CDH3: variants seen among roughly 807,000 people sequenced by gnomAD.
CDH3 encodes the protein cadherin 3, also known as cadherin-3.
CDH3 carries 54 observed loss-of-function variants against 82.0 expected under a neutral mutation model. That is an observed-to-expected ratio of 0.66 (90% CI 0.53 to 0.83). The LOEUF (loss-of-function observed/expected upper bound fraction) is 0.83. Ranked by LOEUF, CDH3 falls within the 40% of genes least tolerant of loss-of-function variation. The pLI, the probability that CDH3 is intolerant of heterozygous loss-of-function variation, is 0.00. For missense variants in CDH3, 1,054 were observed against 1,084.6 expected (o/e 0.97, Z 0.40); for synonymous variants, 446 against 437.9 (o/e 1.02, Z -0.23).
At chr16:68,669,500 A>T (rs1044051129) in intron 2 of CDH3, among the ~76,000 whole-genome samples, 8 of 151,978 alleles carry the variant, frequency 5.3e-5, no homozygotes, top group Non-Finnish European at 1.2e-4. Flanking sequence ...AATATGTGGA[A>T]CCATGTAACA....
At chr16:68,721,654 A>G (rs1016149835) in intron 1 of CDH3, among the ~76,000 whole-genome samples, 3 of 152,152 alleles carry the variant, frequency 2.0e-5, no homozygotes, top group African/African-American at 7.2e-5. Flanking sequence ...TGGCTAGACT[A>G]AGCTCTTCTC....
chr16:68,689,879 C>T (rs1961517954), intron 12 of CDH3, among the ~76,000 whole-genome samples: 1 of 152,080 alleles, frequency 6.6e-6, no homozygotes, highest in Non-Finnish European at 1.5e-5. Flanking sequence ...TTTGATTGCC[C>T]CAGTGATTGG....
chr16:68,687,816 G>A (rs368591309), intron 12 of CDH3, 80 bp downstream of exon 12: 360 of 964,980 alleles, frequency 3.7e-4, no homozygotes, highest in Non-Finnish European at 5.3e-4. Context: ...TTCTGCACAC[G>A]TTCCTATCCT....
At chr16:68,666,915 C>G (rs1251430435) in intron 2 of CDH3, among the ~76,000 whole-genome samples, 2 of 151,746 alleles carry the variant, frequency 1.3e-5, no homozygotes, top group Non-Finnish European at 2.9e-5. Flanking sequence ...CTTTTTTTCC[C>G]TATTAAGCAA....
chr16:68,692,506 G>C (rs924111705), intron 13 of CDH3, among the ~76,000 whole-genome samples: 3 of 152,192 alleles, frequency 2.0e-5, no homozygotes, highest in African/African-American at 7.2e-5. Context: ...GTTTCCAACA[G>C]CATTAGCATC....
Position 68,678,180 on chromosome 16 carries a change from C to T in CDH3, c.293C>T (p.Ser98Phe). Reference sequence around the variant, plus strand: ...AGGAATCCATTGAAGATCTTCCCATCCAAACGTATCTTACGAAGACACAAG... The same window carrying T: ...AGGAATCCATTGAAGATCTTCCCATTCAAACGTATCTTACGAAGACACAAG... The part of the protein sequence containing the change: ...KERNPLKIFP[S>F]KRILRRHKRD... Residue 98 changes from serine to phenylalanine, a missense_variant, in exon 4 of 16, where the codon TCC becomes TTC. Transcript: ENST00000264012. 6.2e-7 allele frequency: 1 copy of T among 1,613,842 alleles called. No homozygotes were observed. Among genetic ancestry groups the T allele is most frequent in the Non-Finnish European group, 8.5e-7 (1 of 1,179,698 alleles).
chr16:68,656,668 A>T lies in CDH3; in HGVS notation c.160+10918A>T, dbSNP rs145773964. ...TGAACACAGGTGTGACCCCCTAAGT[A>T]TGAGGCACTGACCATTTGGCAATCA... On this transcript the variant is annotated intron_variant, in intron 2 of 15. Coordinates refer to ENST00000264012, the MANE Select transcript of CDH3 (RefSeq NM_001793.6). Among the ~76,000 whole-genome samples, 13 of 152,316 alleles carry T rather than the reference A, an allele frequency of 8.5e-5. No homozygotes were observed. The East Asian group carries it at 2.5e-3, about 29-fold the overall frequency.
At chr16:68,719,255 A>G (rs201806110) in intron 1 of CDH3, among the ~76,000 whole-genome samples, 5 of 7,162 alleles carry the variant, frequency 7.0e-4, no homozygotes, top group Non-Finnish European at 4.6e-3. Flanking sequence ...AAAAAAAAAG[A>G]AAAAAAAAAA....
At chr16:68,663,144 G>A (rs2152094128) in intron 2 of CDH3, among the ~76,000 whole-genome samples, 1 of 152,018 alleles carries the variant, frequency 6.6e-6, no homozygotes, top group African/African-American at 2.4e-5. Context: ...TAGGATTACA[G>A]GCATGAGCCA....
intron 2 of CDH3, among the ~76,000 whole-genome samples, chr16:68,660,322 T>C (rs2152093092): frequency 6.6e-6 from 1 of 152,342 alleles, no homozygotes; most frequent in East Asian, 1.9e-4. Context: ...TTCAAAAGCA[T>C]ATGAATTCAC....
intron 12 of CDH3, among the ~76,000 whole-genome samples, chr16:68,690,945 A>G (rs1961552680): frequency 6.6e-6 from 1 of 152,124 alleles, no homozygotes; most frequent in South Asian, 2.1e-4. Context: ...TGGGTGTTTC[A>G]TATAAGATTG....
intron 2 of CDH3, chr16:68,651,611 C>T (rs1960250334): frequency 2.0e-6 from 1 of 506,784 alleles, no homozygotes; most frequent in African/African-American, 1.9e-5. Context: ...GCATCATGTT[C>T]CCACTCTCAA....
rs755070586 is a variant in CDH3, at chr16:68,678,527, C to T, written c.417C>T (p.Thr139=). The change falls in exon 5 of 16, where the codon ACC becomes ACT. Residue 139 remains threonine, a synonymous_variant. Coordinates refer to ENST00000264012, the MANE Select transcript of CDH3 (RefSeq NM_001793.6). ...NQLKSNKDRD[T]KIFYSITGPG... ...TCAAGTCTAATAAAGATAGAGACAC[C>T]AAGATTTTCTACAGCATCACGGGGC... 1 of 1,614,142 alleles carries T rather than the reference C, an allele frequency of 6.2e-7. No homozygotes were observed. The highest frequency in any genetic ancestry group is 8.5e-7 in the Non-Finnish European group (1 of 1,180,038).
At chr16:68,693,556 G>A (rs928519443) in intron 13 of CDH3, among the ~76,000 whole-genome samples, 6 of 152,194 alleles carry the variant, frequency 3.9e-5, no homozygotes, top group African/African-American at 1.2e-4. Flanking sequence ...TGCCAGGCCA[G>A]TCCAAGTGGA....
downstream of CDH3, among the ~76,000 whole-genome samples, chr16:68,727,969 G>A (rs1041858456): frequency 2.6e-5 from 4 of 152,020 alleles, no homozygotes; most frequent in East Asian, 1.9e-4. Flanking sequence ...TATAGCAAAC[G>A]GCTGTATGAA....
At chr16:68,645,836 C>T (rs1401026737) in intron 2 of CDH3, 86 bp downstream of exon 2, 5 of 1,004,652 alleles carry the variant, frequency 5.0e-6, no homozygotes, top group Non-Finnish European at 7.3e-6. Context: ...CGGGCCGGGG[C>T]AAGGGACTCC....
chr16:68,676,221 T>C (rs1016078118), intron 2 of CDH3, among the ~76,000 whole-genome samples, 164 bp from the exon 3 acceptor site: 1 of 152,146 alleles, frequency 6.6e-6, no homozygotes, highest in African/African-American at 2.4e-5. Flanking sequence ...CTCTGAAACT[T>C]GTATTAGTCA....
At chr16:68,648,882 T>C (rs1238953713) in intron 2 of CDH3, among the ~76,000 whole-genome samples, 1 of 151,174 alleles carries the variant, frequency 6.6e-6, no homozygotes, top group African/African-American at 2.4e-5. Flanking sequence ...TTTTTTTTTT[T>C]AATTGTAGGA....
chr16:68,683,467 T>C (rs183077934), intron 9 of CDH3, among the ~76,000 whole-genome samples: 1 of 151,118 alleles, frequency 6.6e-6, no homozygotes, highest in East Asian at 2.0e-4. Flanking sequence ...CTGGCTAACA[T>C]GGTGAAACCC....
Sources: gnomAD v4.1 joint callset for allele counts (sites outside exome capture counted in the v4.1 genomes callset) on GRCh38, gnomAD v4.1.1 for gene constraint, MANE v1.5 for transcripts, NCBI Gene and HGNC (gene_info 2026-07-23, HGNC 2026-07-21) for gene names.